Variants in PRKD2 observed in about 807,000 individuals in gnomAD.
PRKD2 encodes the protein protein kinase D2.
PRKD2 carries 22 observed loss-of-function variants against 86.0 expected under a neutral mutation model. The ratio of observed to expected loss-of-function variants is 0.26; its 90% CI spans 0.18 to 0.37. The LOEUF is 0.37. Ranked by LOEUF, PRKD2 falls within the 10% of genes least tolerant of loss-of-function variation. The probability of loss-of-function intolerance (pLI) is 1.00; values close to 1 mark genes in which losing one functional copy is unlikely to be tolerated. For synonymous variants in PRKD2, 509 were observed against 510.9 expected, an observed-to-expected ratio of 1.00 and a Z score of 0.05; for missense variants, 818 against 1,199.2, an observed-to-expected ratio of 0.68 and a Z score of 4.70.
chr19:46,712,567 AAAAAC>A (rs1331560011), intron 2 of PRKD2, among the ~76,000 whole-genome samples: 13 of 152,324 alleles, frequency 8.5e-5, no homozygotes, highest in African/African-American at 2.4e-4. Flanking sequence ...TAAAAATGAC[AAAAAC>A]AAAACAAAAC....
chr19:46,690,507 C>A, intron 13 of PRKD2, 93 bp downstream of exon 13: 1 of 1,099,348 alleles, frequency 9.1e-7, no homozygotes, highest in South Asian at 1.3e-5. Flanking sequence ...ATGCACATGC[C>A]CTCCCCCAGG....
At chr19:46,706,892 CTTT>C (rs574385292) in intron 3 of PRKD2, among the ~76,000 whole-genome samples, 9 of 134,138 alleles carry the variant, frequency 6.7e-5, no homozygotes, top group Non-Finnish European at 6.4e-5. Flanking sequence ...AACTGGATTT[CTTT>C]TTTTTTTTTT....
At chr19:46,705,734 C>T (rs1568733797) in intron 3 of PRKD2, among the ~76,000 whole-genome samples, 1 of 150,916 alleles carries the variant, frequency 6.6e-6, no homozygotes, top group Non-Finnish European at 1.5e-5. Flanking sequence ...TTGTAGTGAG[C>T]TGAGATCACG....
intron 10 of PRKD2, among the ~76,000 whole-genome samples, chr19:46,692,701 A>G: frequency 6.6e-6 from 1 of 151,656 alleles, no homozygotes; most frequent in South Asian, 2.1e-4. Context: ...ACCCTCATCT[A>G]CCTCTGACTT....
Position 46,678,484 on chromosome 19 carries a change from A to C in PRKD2, c.2250T>G (p.Pro750=), listed in dbSNP as rs757860667. 7 of 1,614,100 alleles carry C rather than the reference A, an allele frequency of 4.3e-6. No homozygotes were observed. Among genetic ancestry groups the C allele is most frequent in the Non-Finnish European group, 5.9e-6 (7 of 1,180,048 alleles). The change falls in exon 16 of 18, where the codon CCT becomes CCG. Residue 750 remains proline, a synonymous_variant. Transcript: ENST00000291281. This position sits in a 1 kb window ranked among gnomAD's most constrained non-coding sequence, Gnocchi z 5.7. The stretch of plus-strand genomic sequence containing the variant: ...CATTGATGTCCTCATCCTCGTTGAA[A>C]GGGAAGGTGCCGCTGAGGCTGACGT... The part of the protein sequence containing the change: ...IMYVSLSGTF[P]FNEDEDINDQ...
intron 3 of PRKD2, among the ~76,000 whole-genome samples, chr19:46,708,969 G>T (rs2053758730): frequency 2.1e-5 from 2 of 95,296 alleles, no homozygotes; most frequent in Admixed American, 1.2e-4. Context: ...TGGTTTGTTT[G>T]TGGTTTTTTT....
In PRKD2 at chr19:46,713,765, C is replaced by T. The variant is rs907469302; in HGVS notation, c.379+98G>A. The T allele has an allele frequency of 3.8e-4, 444 of 1,176,248 alleles. 1 individual carries two copies. Among genetic ancestry groups the T allele is most frequent in the Non-Finnish European group, 4.9e-4 (418 of 856,404 alleles). 72.9% of individuals were successfully genotyped at this position (1,176,248 alleles called of 1,614,324 possible). The stretch of plus-strand genomic sequence containing the variant: ...GGATCACAGGCGTGAGCCACTACAC[C>T]CGGCCTCTCCTGACTTCTAACTCCC... On this transcript the variant is annotated intron_variant, in intron 2 of 17. Transcript: ENST00000291281.
At chr19:46,674,905 T>C in intron 17 of PRKD2, 128 bp downstream of exon 17, 1 of 1,189,234 alleles carries the variant, frequency 8.4e-7, no homozygotes. Flanking sequence ...ACCCAGCCAA[T>C]GGGAGGCCTA....
At chr19:46,708,967 T>C (rs2053758646) in intron 3 of PRKD2, among the ~76,000 whole-genome samples, 1 of 127,644 alleles carries the variant, frequency 7.8e-6, no homozygotes, top group East Asian at 2.1e-4. Flanking sequence ...GTTGGTTTGT[T>C]TGTGGTTTTT....
intron 15 of PRKD2, among the ~76,000 whole-genome samples, chr19:46,680,944 ATATT>A (rs1318363297): frequency 1.6e-3 from 67 of 43,074 alleles, no homozygotes; most frequent in Admixed American, 5.4e-3. Context: ...ATATATATAT[ATATT>A]TTTTTTTTTT....
chr19:46,677,907 C>T (rs986181280), intron 16 of PRKD2, among the ~76,000 whole-genome samples: 1 of 152,216 alleles, frequency 6.6e-6, no homozygotes, highest in Admixed American at 6.5e-5. Flanking sequence ...CAAGTCACGG[C>T]CCCAGTACAC....
intron 3 of PRKD2, among the ~76,000 whole-genome samples, chr19:46,709,838 T>C (rs1254521241): frequency 6.6e-6 from 1 of 152,232 alleles, no homozygotes; most frequent in Non-Finnish European, 1.5e-5. Context: ...AGCTTGTGCC[T>C]GAGTTCCCAC....
chr19:46,701,129 C>T lies in PRKD2; in HGVS notation c.890-17G>A, dbSNP rs754364181. 32 of 1,612,638 alleles carry T rather than the reference C, an allele frequency of 2.0e-5. No homozygotes were observed. The highest frequency in any genetic ancestry group is 2.5e-5 in the Non-Finnish European group (30 of 1,178,788). ...ACTTGCAGTCTGGTAGGACAGGGAA[C>T]AAGGGAACGGGTGAGAAGGGGAAGA... On this transcript the variant is annotated splice_polypyrimidine_tract_variant and intron_variant, in intron 5 of 17. Coordinates refer to ENST00000291281, the MANE Select transcript of PRKD2 (RefSeq NM_016457.5).
intron 15 of PRKD2, among the ~76,000 whole-genome samples, chr19:46,679,091 T>C (rs1169312784): frequency 4.6e-5 from 7 of 152,062 alleles, no homozygotes; most frequent in African/African-American, 1.7e-4. Context: ...GCCTGCAATC[T>C]CAGCACTTTG....
rs190233727 is a variant in PRKD2, at chr19:46,697,266, G to A, written c.1240-32C>T. On this transcript the variant is annotated intron_variant, in intron 8 of 17. Transcript: ENST00000291281. ...AGATGTTTGAAGAGTCACGTGAACC[G>A]CCAGACTTTCCTGCCCAGTCCCTAT... 695 of 1,506,632 alleles carry A rather than the reference G, an allele frequency of 4.6e-4. 2 individuals carry two copies. The African/African-American group carries it at 7.2e-3, about 16-fold the overall frequency. 93.3% of individuals were successfully genotyped at this position (1,506,632 alleles called of 1,614,324 possible).
At chr19:46,685,539 G>C (rs1443292968) in intron 14 of PRKD2, 2 of 152,540 alleles carry the variant, frequency 1.3e-5, no homozygotes, top group African/African-American at 2.4e-5. Flanking sequence ...GAGAGAGAGA[G>C]AGAGAAAGAA....
intron 3 of PRKD2, among the ~76,000 whole-genome samples, chr19:46,710,008 C>T (rs2053781337): frequency 6.6e-6 from 1 of 152,164 alleles, no homozygotes; most frequent in South Asian, 2.1e-4. Context: ...AGCAATTCTC[C>T]TGCCTCAGCC....
intron 2 of PRKD2, among the ~76,000 whole-genome samples, 179 bp downstream of exon 2, chr19:46,713,684 C>G (rs918402239): frequency 6.6e-6 from 1 of 151,936 alleles, no homozygotes; most frequent in East Asian, 1.9e-4. Context: ...AGGCTGATCT[C>G]GAACTCCTGG....
chr19:46,702,189 C>A (rs576685364), intron 5 of PRKD2, among the ~76,000 whole-genome samples: 1 of 152,174 alleles, frequency 6.6e-6, no homozygotes, highest in South Asian at 2.1e-4. Context: ...CAGGCACGCA[C>A]TACCATGCCT....
Sources: allele counts gnomAD v4.1 joint callset (sites outside exome capture counted in the v4.1 genomes callset), GRCh38; gene constraint gnomAD v4.1.1; non-coding constraint Gnocchi (gnomAD v3.1); transcripts MANE v1.5; gene names NCBI Gene and HGNC (gene_info 2026-07-23, HGNC 2026-07-21).